The following PROS1 variants were observed in gnomAD, a reference collection of about 807,000 sequenced individuals.
The protein encoded by PROS1 is protein S.
In PROS1, 29 loss-of-function variants were observed where a neutral mutation model predicts 75.9. That is an observed-to-expected ratio of 0.38 (90% confidence interval 0.28 to 0.52). The LOEUF (loss-of-function observed/expected upper bound fraction) is 0.52. Ranked by LOEUF, PROS1 falls within the 20% of genes least tolerant of loss-of-function variation. PROS1 has a pLI of 0.83. For missense variants in PROS1, 680 were observed against 810.3 expected (o/e 0.84, Z 1.95); for synonymous variants, 245 against 280.6 (o/e 0.87, Z 1.27).
intron 11 of PROS1, among the ~76,000 whole-genome samples, 186 bp downstream of exon 11, chr3:93,886,150 A>T (rs994270126): frequency 3.9e-5 from 6 of 152,104 alleles, no homozygotes; most frequent in Admixed American, 3.9e-4. Flanking sequence ...CCACTACGTC[A>T]TTTTTTTATT....
chr3:93,937,606 A>T (rs1287814846), intron 1 of PROS1, among the ~76,000 whole-genome samples: 1 of 152,008 alleles, frequency 6.6e-6, no homozygotes, highest in Non-Finnish European at 1.5e-5. Context: ...TGACCTCGTG[A>T]TCCGCCCACC....
At chr3:93,901,304 T>A (rs1708589924) in intron 6 of PROS1, among the ~76,000 whole-genome samples, 1 of 152,222 alleles carries the variant, frequency 6.6e-6, no homozygotes, top group Non-Finnish European at 1.5e-5. Flanking sequence ...TTCTATCTTG[T>A]TTCTTTGGAA....
In PROS1 at chr3:93,874,186, T is replaced by C. The variant is rs1353114419; in HGVS notation, c.*59A>G. ...TGTAAATAAAACCCTTCAGCTGTTA[T>C]TGAAACATAAGTATAATTACACACA... On this transcript the variant is annotated 3_prime_UTR_variant, in exon 15 of 15. Coordinates refer to ENST00000394236, the MANE Select transcript of PROS1 (RefSeq NM_000313.4). 3.1e-6 allele frequency: 5 copies of C among 1,589,680 alleles called. No homozygotes were observed. The African/African-American group carries it at 4.0e-5, about 13-fold the overall frequency.
intron 7 of PROS1, among the ~76,000 whole-genome samples, chr3:93,900,230 T>C (rs111514537): frequency 3.7e-4 from 56 of 152,318 alleles, no homozygotes; most frequent in African/African-American, 1.3e-3. Context: ...TTTAAGGGGT[T>C]GCCCCAAACC....
At chr3:93,913,918 G>A (rs1009520667) in intron 3 of PROS1, among the ~76,000 whole-genome samples, 3 of 152,166 alleles carry the variant, frequency 2.0e-5, no homozygotes, top group African/African-American at 7.2e-5. Context: ...GGAAAAACAG[G>A]TAAGAACAGT....
rs760850517 is a variant in PROS1 at position 93,927,380 on chromosome 3, A to G, written c.104T>C (p.Val35Ala). The change falls in exon 2 of 15, where the codon GTC (valine) becomes GCC (alanine). Residue 35 changes from valine to alanine, a missense_variant. Coordinates refer to ENST00000394236, the MANE Select transcript of PROS1 (RefSeq NM_000313.4). Reference sequence around the variant, plus strand: ...ATTTGCACGACGCTTCCTAACCAGGACTTGTGAAGCCTGTTGCTTTGACAA... The same window carrying G: ...ATTTGCACGACGCTTCCTAACCAGGGCTTGTGAAGCCTGTTGCTTTGACAA... ...NFLSKQQASQVLVRKRRANSL... is the reference protein window; with the variant it reads ...NFLSKQQASQALVRKRRANSL... 8 of 1,614,152 alleles carry G rather than the reference A, an allele frequency of 5.0e-6. No individual in the cohort carries two copies. Among genetic ancestry groups the G allele is most frequent in the Non-Finnish European group, 1.7e-6 (2 of 1,180,028 alleles).
At chr3:93,893,372 T>C (rs1708459962) in intron 9 of PROS1, among the ~76,000 whole-genome samples, 3 of 152,222 alleles carry the variant, frequency 2.0e-5, no homozygotes, top group Admixed American at 2.0e-4. Context: ...AGGGAACAGA[T>C]GCTTTGGTAA....
chr3:93,931,667 A>G (rs1347810543), intron 1 of PROS1, among the ~76,000 whole-genome samples: 1 of 152,148 alleles, frequency 6.6e-6, no homozygotes, highest in Non-Finnish European at 1.5e-5. Flanking sequence ...CCAATCGGAC[A>G]GCTACTACTG....
Position 93,973,893 on chromosome 3 carries a change from G to A in PROS1, c.-144C>T, listed in dbSNP as rs973446997. ...GCCAGCGACCCAGCGAGCCTCGGCG[G>A]AACAGCCGGGGGCGGAGGAGACCGC... On this transcript the variant is annotated 5_prime_UTR_variant, in exon 1 of 15. Transcript: ENST00000394236. 27 of 544,916 alleles carry A rather than the reference G, an allele frequency of 5.0e-5. No homozygotes were observed. The highest frequency in any genetic ancestry group is 9.1e-5 in the Admixed American group (2 of 22,046). 33.8% of individuals were successfully genotyped at this position (544,916 alleles called of 1,614,324 possible). A position where few individuals can be genotyped will look rare whatever the true frequency, so the allele number is the denominator to read the frequency against.
intron 3 of PROS1, chr3:93,911,112 T>A (rs1446510999): frequency 4.6e-6 from 1 of 217,466 alleles, no homozygotes; most frequent in African/African-American, 2.4e-5. Context: ...ATAGAATCAG[T>A]TCGTGTTTCT....
rs777326642 is a variant in PROS1 at position 93,886,442 on chromosome 3, T to A, written c.1217A>T (p.Asp406Val). ...SIKIAKEAVMDINKPGPLFKP... is the reference protein window; with the variant it reads ...SIKIAKEAVMVINKPGPLFKP... Reference sequence around the variant, plus strand: ...AAAAAGGGGTCCAGGTTTATTTATATCCATCACAGCTTCTTTAGCTATTTT... The same window carrying A: ...AAAAAGGGGTCCAGGTTTATTTATAACCATCACAGCTTCTTTAGCTATTTT... The change falls in exon 11 of 15, where the codon GAT becomes GTT. Residue 406 changes from aspartate to valine, a missense_variant. Coordinates refer to ENST00000394236, the MANE Select transcript of PROS1 (RefSeq NM_000313.4). 1.2e-5 allele frequency: 19 copies of A among 1,613,100 alleles called. 1 individual carries two copies. In the South Asian group the frequency reaches 2.0e-4, roughly 17 times the overall value.
At chr3:93,932,487 T>C (rs1020941306) in intron 1 of PROS1, among the ~76,000 whole-genome samples, 4 of 152,188 alleles carry the variant, frequency 2.6e-5, no homozygotes, top group African/African-American at 9.7e-5. Flanking sequence ...AAATTTTAGG[T>C]TATAATGTGG....
At chr3:93,956,529 T>TACACACA in intron 1 of PROS1, among the ~76,000 whole-genome samples, 1 of 129,586 alleles carries the variant, frequency 7.7e-6, no homozygotes, top group Non-Finnish European at 1.6e-5. Context: ...TCTCTCTCTC[T>TACACACA]CTCTACACAC....
At chr3:93,895,199 G>A (rs1292659722) in intron 9 of PROS1, among the ~76,000 whole-genome samples, 1 of 152,108 alleles carries the variant, frequency 6.6e-6, no homozygotes, top group African/African-American at 2.4e-5. Flanking sequence ...TATTGTCATT[G>A]TGTTTTTTTC....
intron 1 of PROS1, among the ~76,000 whole-genome samples, chr3:93,957,569 A>G (rs1465606672): frequency 2.6e-5 from 4 of 152,216 alleles, no homozygotes; most frequent in African/African-American, 9.6e-5. Flanking sequence ...TATGTTCTCA[A>G]CACAAAGAAA....
intron 1 of PROS1, among the ~76,000 whole-genome samples, chr3:93,931,433 A>G (rs1709103376): frequency 6.6e-6 from 1 of 152,270 alleles, no homozygotes; most frequent in African/African-American, 2.4e-5. Flanking sequence ...ATAGTAATTA[A>G]CATATGATGT....
At chr3:93,953,974 T>C (rs1043899189) in intron 1 of PROS1, among the ~76,000 whole-genome samples, 1 of 152,162 alleles carries the variant, frequency 6.6e-6, no homozygotes, top group African/African-American at 2.4e-5. Context: ...CCATTCACAA[T>C]TGCTTCAAAG....
intron 7 of PROS1, among the ~76,000 whole-genome samples, chr3:93,900,197 CAGTCACATGA>C (rs1321117689): frequency 6.6e-6 from 1 of 152,236 alleles, no homozygotes; most frequent in Non-Finnish European, 1.5e-5. Context: ...AGCGCCACTG[CAGTCACATGA>C]AGTAACAGCA....
At chr3:93,876,588 CA>C (rs34147087) in intron 14 of PROS1, among the ~76,000 whole-genome samples, 3,944 of 34,652 alleles carry the variant, frequency 0.11, 6 homozygotes, top group African/African-American at 0.18. Context: ...GACTCCATCT[CA>C]AAAAAAAAAA....
Sources: allele counts gnomAD v4.1 joint callset (sites outside exome capture counted in the v4.1 genomes callset), GRCh38; gene constraint gnomAD v4.1.1; transcripts MANE v1.5; gene names NCBI Gene and HGNC (gene_info 2026-07-23, HGNC 2026-07-21).